The following SORT1 variants were observed in gnomAD, a reference collection of about 807,000 sequenced individuals.
The protein encoded by SORT1 is sortilin 1.
In SORT1, 39 loss-of-function variants were observed where a neutral mutation model predicts 101.7. The ratio of observed to expected loss-of-function variants is 0.38; its 90% confidence interval spans 0.30 to 0.50. The LOEUF is 0.50. Among genes scored for constraint, SORT1 ranks in the 20% least tolerant of loss-of-function variants. The probability of loss-of-function intolerance (pLI) is 0.90; values close to 1 mark genes in which losing one functional copy is unlikely to be tolerated. For synonymous variants in SORT1, 396 were observed against 393.7 expected, an observed-to-expected ratio of 1.01 and a Z score of -0.07; for missense variants, 878 against 1,040.4, an observed-to-expected ratio of 0.84 and a Z score of 2.15.
intron 3 of SORT1, among the ~76,000 whole-genome samples, chr1:109,358,034 T>A (rs1407594848): frequency 1.3e-5 from 2 of 152,110 alleles, no homozygotes; most frequent in Non-Finnish European, 2.9e-5. Flanking sequence ...CCCCAGAGAA[T>A]CTCCACAAAC....
chr1:109,314,586 T>A (rs577547535), intron 18 of SORT1, 86 bp downstream of exon 18: 1 of 1,130,608 alleles, frequency 8.8e-7, no homozygotes, highest in Non-Finnish European at 1.3e-6. Flanking sequence ...GTACCTAGTT[T>A]TTGCCAAGAG....
rs375887021 is a variant in SORT1 at position 109,354,536 on chromosome 1, T to C, written c.544-5A>G. On this transcript the variant is annotated splice_polypyrimidine_tract_variant and splice_region_variant and intron_variant, in intron 4 of 19. Coordinates refer to ENST00000256637, the MANE Select transcript of SORT1 (RefSeq NM_002959.7). ...CACCTCTGCTGTTAACACCACCTGA[T>C]AGGAAGAGGAAAGATCTGATTCAGG... 8.8e-5 allele frequency: 142 copies of C among 1,609,148 alleles called. 1 individual carries two copies. In the African/African-American group the frequency reaches 1.2e-3, roughly 13 times the overall value.
In SORT1 at chr1:109,327,137, C is replaced by G. The variant is rs770614335; in HGVS notation, c.1498G>C (p.Val500Leu). ...GAGATGTACACATCTGGAACCATCACTGAGATGGCATCCCCCACGCTACCT... is the reference window on the plus strand; with the variant it reads ...GAGATGTACACATCTGGAACCATCAGTGAGATGGCATCCCCCACGCTACCT... ...AHGSVGDAIS[V>L]MVPDVYISDD... Residue 500 changes from valine to leucine, a missense_variant, in exon 13 of 20, where the codon GTG (valine) becomes CTG (leucine). By Grantham distance (32) the Val-to-Leu change is conservative. This residue lies in a region of SORT1 where 684 missense variants were observed against 894.5 expected (regional missense o/e 0.76). Transcript: ENST00000256637. 1.2e-6 allele frequency: 2 copies of G among 1,613,528 alleles called. No individual in the cohort carries two copies. Among genetic ancestry groups the G allele is most frequent in the South Asian group, 1.1e-5 (1 of 90,980 alleles).
intron 14 of SORT1, among the ~76,000 whole-genome samples, chr1:109,324,079 A>G (rs909938616): frequency 6.6e-6 from 1 of 152,146 alleles, no homozygotes; most frequent in Admixed American, 6.5e-5. Context: ...TTATTGTATT[A>G]TGCCAACACT....
chr1:109,321,375 G>C (rs1464722026), intron 15 of SORT1, among the ~76,000 whole-genome samples: 2 of 152,154 alleles, frequency 1.3e-5, no homozygotes, highest in African/African-American at 4.8e-5. Context: ...GGCAGAGGGA[G>C]CATCATGTGC....
chr1:109,340,161 A>G (rs935399193), intron 10 of SORT1, among the ~76,000 whole-genome samples: 232 of 151,640 alleles, frequency 1.5e-3, no homozygotes, highest in African/African-American at 4.6e-3. Context: ...AAAAAAAAAA[A>G]AAAGAAAGAA....
intron 10 of SORT1, among the ~76,000 whole-genome samples, chr1:109,337,731 G>A (rs865848812): frequency 3.3e-5 from 5 of 152,016 alleles, no homozygotes; most frequent in Admixed American, 6.6e-5. Context: ...GGGTTCAAGC[G>A]ATTCTCCTGC....
At chr1:109,393,283 A>G in intron 1 of SORT1, 1 of 985,330 alleles carries the variant, frequency 1.0e-6, no homozygotes, top group Non-Finnish European at 1.2e-6. Flanking sequence ...TTATGTTTAC[A>G]GAAGTAGTTA....
chr1:109,338,717 C>T (rs1045885543), intron 10 of SORT1, among the ~76,000 whole-genome samples: 1 of 152,078 alleles, frequency 6.6e-6, no homozygotes, highest in African/African-American at 2.4e-5. Context: ...TGTTGTTGCT[C>T]TCCTCACTCC....
chr1:109,313,446 T>C lies in SORT1; in HGVS notation c.*597A>G, dbSNP rs2101516997. 6.6e-6 allele frequency: 1 copy of C among 152,466 alleles called. No homozygotes were observed. Among genetic ancestry groups the C allele is most frequent in the South Asian group, 2.1e-4 (1 of 4,830 alleles). 9.4% of individuals were successfully genotyped at this position (152,466 alleles called of 1,614,324 possible). ...TTAAACAAGGGAAAAGAAAAATCAC[T>C]GTGGTCTGTGGTCTCTGAAAAAAAA... On this transcript the variant is annotated 3_prime_UTR_variant, in exon 20 of 20. Coordinates refer to ENST00000256637, the MANE Select transcript of SORT1 (RefSeq NM_002959.7).
chr1:109,339,602 G>A (rs377507734), intron 10 of SORT1, among the ~76,000 whole-genome samples: 1 of 152,152 alleles, frequency 6.6e-6, no homozygotes, highest in East Asian at 1.9e-4. Flanking sequence ...TAATGTGTTT[G>A]CAATGAAGTA....
At chr1:109,354,105 T>C (rs1258567947) in intron 5 of SORT1, among the ~76,000 whole-genome samples, 1 of 152,202 alleles carries the variant, frequency 6.6e-6, no homozygotes, top group Non-Finnish European at 1.5e-5. Flanking sequence ...TGTTTTCTAG[T>C]TCATTACTCC....
intron 1 of SORT1, chr1:109,393,111 C>T: frequency 1.0e-6 from 1 of 985,410 alleles, no homozygotes; most frequent in Non-Finnish European, 1.2e-6. Context: ...AAGCCTCTGA[C>T]AGGCACACTC....
In SORT1 at chr1:109,314,329, CCACACCATT is replaced by C; in HGVS notation, c.2404_2412del (p.Asn802_Val804del). 6.2e-7 allele frequency: 1 copy of C among 1,614,024 alleles called. No individual in the cohort carries two copies. The highest frequency in any genetic ancestry group is 8.5e-7 in the Non-Finnish European group (1 of 1,179,978). On this transcript the variant is annotated inframe_deletion, in exon 19 of 20. Transcript: ENST00000256637. ...GCTGTGTCCAAAGCATCCACACCATCCACACCATTGGCCTCTGCATGCTGCTGCAGCACA... is the reference window on the plus strand; with the variant it reads ...GCTGTGTCCAAAGCATCCACACCATCGGCCTCTGCATGCTGCTGCAGCACA...
At chr1:109,334,784 TA>T (rs1648697826) in intron 11 of SORT1, among the ~76,000 whole-genome samples, 1 of 152,120 alleles carries the variant, frequency 6.6e-6, no homozygotes, top group Admixed American at 6.6e-5. Context: ...GTGTACATTG[TA>T]AATATACAAT....
Position 109,367,342 on chromosome 1 carries a change from A to G in SORT1, c.440+66T>C, listed in dbSNP as rs72646558. On this transcript the variant is annotated intron_variant, in intron 3 of 19. Transcript: ENST00000256637. Reference sequence around the variant, plus strand: ...AACTGTTACGTGCCATCATGTCTAGAAAAGGGAGAATCTATATTCTCAATG... The same window carrying G: ...AACTGTTACGTGCCATCATGTCTAGGAAAGGGAGAATCTATATTCTCAATG... The G allele has an allele frequency of 1.8e-3, 1,686 of 946,894 alleles. 2 individuals are homozygous for G. The highest frequency in any genetic ancestry group is 2.2e-3 in the Non-Finnish European group (1,314 of 599,746). 58.7% of individuals were successfully genotyped at this position (946,894 alleles called of 1,614,324 possible).
intron 1 of SORT1, among the ~76,000 whole-genome samples, chr1:109,395,988 G>A (rs763222640): frequency 6.6e-6 from 1 of 152,124 alleles, no homozygotes; most frequent in African/African-American, 2.4e-5. Context: ...GGAGGCTGAG[G>A]TGAGAGGATC....
At chr1:109,377,505 G>T (rs1651936929) in intron 1 of SORT1, among the ~76,000 whole-genome samples, 1 of 152,108 alleles carries the variant, frequency 6.6e-6, no homozygotes, top group Non-Finnish European at 1.5e-5. Context: ...TGCTCTTCCA[G>T]CCAGCCAAGA....
At chr1:109,372,486 T>C (rs150996047) in intron 1 of SORT1, among the ~76,000 whole-genome samples, 1 of 152,246 alleles carries the variant, frequency 6.6e-6, no homozygotes, top group African/African-American at 2.4e-5. Flanking sequence ...CCACTTAACT[T>C]CCCCATGACA....
Sources: gnomAD v4.1 joint callset for allele counts (sites outside exome capture counted in the v4.1 genomes callset) on GRCh38, gnomAD v4.1.1 for gene constraint, gnomAD v4.1.1 regional missense constraint, MANE v1.5 for transcripts, NCBI Gene and HGNC (gene_info 2026-07-23, HGNC 2026-07-21) for gene names.